Variants in ARMC9 observed in about 807,000 individuals in gnomAD.
ARMC9 encodes armadillo repeat containing 9, also known as lisH domain-containing protein ARMC9.
Under a neutral mutation model 107.0 loss-of-function variants are expected in ARMC9, and 94 were observed. That is an observed-to-expected ratio of 0.88 (90% CI 0.74 to 1.04). ARMC9 has a LOEUF of 1.04. Among genes scored for constraint, ARMC9 ranks in the 50% least tolerant of loss-of-function variants. ARMC9 has a pLI of 0.00. For missense variants in ARMC9, 942 were observed against 1,030.1 expected, an observed-to-expected ratio of 0.91 and a Z score of 1.17; for synonymous variants, 380 against 396.9, an observed-to-expected ratio of 0.96 and a Z score of 0.51.
At chr2:231,281,208 G>T (rs941142573) in intron 16 of ARMC9, among the ~76,000 whole-genome samples, 13 of 151,526 alleles carry the variant, frequency 8.6e-5, no homozygotes, top group Non-Finnish European at 1.5e-4. Flanking sequence ...AAGCGGAAGT[G>T]AGTGGCCTGT....
chr2:231,272,166 TTG>T (rs60518694), intron 13 of ARMC9, among the ~76,000 whole-genome samples: 15 of 146,728 alleles, frequency 1.0e-4, no homozygotes, highest in African/African-American at 1.1e-4. Flanking sequence ...TGTGGGGGTT[TTG>T]TGTGTGTGTG....
At chr2:231,341,613 T>C (rs181985451) in intron 20 of ARMC9, among the ~76,000 whole-genome samples, 36 of 145,792 alleles carry the variant, frequency 2.5e-4, no homozygotes, top group Middle Eastern at 6.8e-3. Flanking sequence ...TACAGAGATA[T>C]AGATGATTGA....
chr2:231,235,937 T>C (rs910372063), intron 8 of ARMC9, among the ~76,000 whole-genome samples: 4 of 152,202 alleles, frequency 2.6e-5, no homozygotes, highest in Admixed American at 1.3e-4. Flanking sequence ...CCACTGCGCC[T>C]GGCCCTTTTT....
chr2:231,262,449 A>G (rs2038457213), intron 12 of ARMC9, 51 bp downstream of exon 12: 6 of 1,506,582 alleles, frequency 4.0e-6, no homozygotes, highest in South Asian at 1.1e-5. Flanking sequence ...ATTCTAGGGA[A>G]TGATCTTAGC....
At chr2:231,296,876 T>TA (rs1256599862) in intron 19 of ARMC9, among the ~76,000 whole-genome samples, 2 of 152,236 alleles carry the variant, frequency 1.3e-5, no homozygotes, top group African/African-American at 4.8e-5. Flanking sequence ...TTCCTTCAGA[T>TA]ACCTAGGAAG....
intron 20 of ARMC9, among the ~76,000 whole-genome samples, chr2:231,339,520 A>G (rs991541898): frequency 2.6e-5 from 4 of 151,970 alleles, no homozygotes; most frequent in African/African-American, 9.7e-5. Flanking sequence ...TGCACCTCAA[A>G]CTCCTGGGTG....
At chr2:231,302,437 G>GTTTTTTTTTTTTTTTTTTTTTTTTTTTTT (rs56032700) in intron 19 of ARMC9, among the ~76,000 whole-genome samples, 1 of 58,072 alleles carries the variant, frequency 1.7e-5, no homozygotes, top group Non-Finnish European at 3.3e-5. Flanking sequence ...TTGTGGGTTT[G>GTTTTTTTTTTTTTTTTTTTTTTTTTTTTT]TTTTTTTTTT....
At chr2:231,269,066 AAAAATTT>A (rs2039087281) in intron 12 of ARMC9, among the ~76,000 whole-genome samples, 1 of 152,182 alleles carries the variant, frequency 6.6e-6, no homozygotes, top group African/African-American at 2.4e-5. Flanking sequence ...GCTTGACTCA[AAAAATTT>A]AAAAAAAGAA....
intron 20 of ARMC9, among the ~76,000 whole-genome samples, chr2:231,337,620 C>A (rs2044222950): frequency 6.7e-6 from 1 of 150,214 alleles, no homozygotes. Context: ...CAGGCGCCCG[C>A]CACTACGCCC....
chr2:231,227,899 G>T (rs1180267717), intron 7 of ARMC9, among the ~76,000 whole-genome samples: 1 of 152,206 alleles, frequency 6.6e-6, no homozygotes, highest in Non-Finnish European at 1.5e-5. Context: ...GAGGGGACAG[G>T]CCCTGCTGGC....
rs544388262 is a variant in ARMC9, at chr2:231,370,864, C to A, written c.2435-649C>A. On this transcript the variant is annotated intron_variant, in intron 24 of 24. Coordinates refer to ENST00000611582, the MANE Select transcript of ARMC9 (RefSeq NM_001352754.2). Reference sequence around the variant, plus strand: ...GGACAGAACAAAAGGCCAGGCAGGACGAAAGGAGTCCCGCTTAGGATATGC... The same window carrying A: ...GGACAGAACAAAAGGCCAGGCAGGAAGAAAGGAGTCCCGCTTAGGATATGC... Among the ~76,000 whole-genome samples, 11 of 152,376 alleles carry A rather than the reference C, an allele frequency of 7.2e-5. No individual in the cohort carries two copies. In the South Asian group the frequency reaches 2.3e-3, roughly 32 times the overall value.
At chr2:231,262,502 G>T in intron 12 of ARMC9, 104 bp downstream of exon 12, 1 of 1,101,888 alleles carries the variant, frequency 9.1e-7, no homozygotes, top group South Asian at 1.3e-5. Context: ...TTTCAGCTTC[G>T]TAACTGTATG....
At chr2:231,338,221 CTTT>C (rs869272919) in intron 20 of ARMC9, among the ~76,000 whole-genome samples, 1 of 141,674 alleles carries the variant, frequency 7.1e-6, no homozygotes, top group Admixed American at 7.2e-5. Context: ...GTGAAGTTCA[CTTT>C]TTTTTTTTTT....
In ARMC9 at chr2:231,278,465, A is replaced by AT. The variant is rs765103182; in HGVS notation, c.1551+9dup. 6 of 1,613,668 alleles carry AT rather than the reference A, an allele frequency of 3.7e-6. No individual in the cohort carries two copies. In the Admixed American group the frequency reaches 1.0e-4, roughly 27 times the overall value. ...TGGCCATGAAAACCATGAGGTACTC[A>AT]TTCAGCACTGCTGGCCCTGGGCTCG... On this transcript the variant is annotated splice_region_variant and intron_variant, in intron 16 of 24. Transcript: ENST00000611582.
chr2:231,345,518 C>T (rs1192393835), intron 21 of ARMC9, among the ~76,000 whole-genome samples: 2 of 152,190 alleles, frequency 1.3e-5, no homozygotes, highest in Non-Finnish European at 2.9e-5. Context: ...CAACTGGATG[C>T]TGTTTTAGCT....
At chr2:231,230,500 C>T (rs1354729287) in intron 7 of ARMC9, among the ~76,000 whole-genome samples, 2 of 152,182 alleles carry the variant, frequency 1.3e-5, no homozygotes, top group Admixed American at 1.3e-4. Context: ...CTATCACCCA[C>T]GTAGCTTCTA....
rs1322418026 is a variant in ARMC9, at chr2:231,302,433, G to GTTTTTTTTTTTTTTTTTT, written c.1773+6183_1773+6184insTTTTTTTTTTTTTTTTTT. Among the ~76,000 whole-genome samples the GTTTTTTTTTTTTTTTTTT allele has an allele frequency of 6.2e-5, 6 of 96,390 alleles. 1 individual carries two copies. Among genetic ancestry groups the GTTTTTTTTTTTTTTTTTT allele is most frequent in the South Asian group, 4.0e-4 (1 of 2,528 alleles). The allele number at this position is 96,390 out of a possible 152,430, so 63.2% of individuals were successfully genotyped here. A position where few individuals can be genotyped will look rare whatever the true frequency, so the allele number is the denominator to read the frequency against. ...TTTATGAAAAAGTGTAGCATTGTGG[G>GTTTTTTTTTTTTTTTTTT]TTTGTTTTTTTTTTTTTTTTTTTTT... On this transcript the variant is annotated intron_variant, in intron 19 of 24. Coordinates refer to ENST00000611582, the MANE Select transcript of ARMC9 (RefSeq NM_001352754.2).
intron 16 of ARMC9, among the ~76,000 whole-genome samples, chr2:231,279,393 C>T (rs1405352153): frequency 6.6e-6 from 1 of 152,170 alleles, no homozygotes; most frequent in African/African-American, 2.4e-5. Context: ...CAACAAAAAT[C>T]TAACCACTTT....
chr2:231,273,020 G>A lies in ARMC9; in HGVS notation c.1276G>A (p.Asp426Asn). ...QMLEGRLKEE[D>N]KDIITRENVL... ...GCTGGAGGGAAGGCTGAAGGAGGAG[G>A]ACAAGGATATCATCACCAGGGAGAA... is the stretch of plus-strand genomic sequence containing the variant. Residue 426 changes from aspartate to asparagine, a missense_variant, in exon 14 of 25, where the codon GAC becomes AAC. Coordinates refer to ENST00000611582, the MANE Select transcript of ARMC9 (RefSeq NM_001352754.2). The A allele has an allele frequency of 1.2e-6, 2 of 1,613,996 alleles. No homozygotes were observed. The highest frequency in any genetic ancestry group is 1.7e-6 in the Non-Finnish European group (2 of 1,179,938).
Sources: allele counts gnomAD v4.1 joint callset (sites outside exome capture counted in the v4.1 genomes callset), GRCh38; gene constraint gnomAD v4.1.1; transcripts MANE v1.5; gene names NCBI Gene and HGNC (gene_info 2026-07-23, HGNC 2026-07-21).